The following PKHD1 variants were observed in gnomAD, a reference collection of about 807,000 sequenced individuals.
PKHD1 encodes the protein fibrocystin.
In PKHD1, 291 loss-of-function variants were observed where a neutral mutation model predicts 412.0. The ratio of observed to expected loss-of-function variants is 0.71; its 90% confidence interval spans 0.64 to 0.78. The LOEUF (loss-of-function observed/expected upper bound fraction) is 0.78. Among genes scored for constraint, PKHD1 ranks in the 30% least tolerant of loss-of-function variants. The probability of loss-of-function intolerance (pLI) is 0.00; values close to 1 mark genes in which losing one functional copy is unlikely to be tolerated. For missense variants in PKHD1, 4,825 were observed against 4,950.7 expected, an observed-to-expected ratio of 0.97 and a Z score of 0.76; for synonymous variants, 1,777 against 1,821.5, an observed-to-expected ratio of 0.98 and a Z score of 0.62.
chr6:51,923,668 C>T (rs1785080451), intron 37 of PKHD1, among the ~76,000 whole-genome samples: 1 of 152,110 alleles, frequency 6.6e-6, no homozygotes, highest in African/African-American at 2.4e-5. Context: ...TTGGAAAACT[C>T]CATAGAAGTA....
chr6:51,779,371 C>T (rs1791597440), intron 53 of PKHD1, among the ~76,000 whole-genome samples: 1 of 152,076 alleles, frequency 6.6e-6, no homozygotes, highest in South Asian at 2.1e-4. Context: ...GCCACCTCTT[C>T]TGGAAATGCC....
At chr6:51,643,672 T>C (rs1311698473) in intron 63 of PKHD1, among the ~76,000 whole-genome samples, 1 of 152,198 alleles carries the variant, frequency 6.6e-6, no homozygotes, top group African/African-American at 2.4e-5. Flanking sequence ...GTTTTGTTTT[T>C]TGTTTGTTTT....
chr6:51,636,253 C>G (rs1449117952), intron 64 of PKHD1, among the ~76,000 whole-genome samples: 1 of 152,118 alleles, frequency 6.6e-6, no homozygotes, highest in Non-Finnish European at 1.5e-5. Flanking sequence ...ATTGCAAATT[C>G]TCTGCTTGAT....
At chr6:52,031,608 AC>A in intron 29 of PKHD1, among the ~76,000 whole-genome samples, 1 of 152,322 alleles carries the variant, frequency 6.6e-6, no homozygotes, top group Admixed American at 6.5e-5. Context: ...GCAGAAACCA[AC>A]ACTAATGGTC....
chr6:51,993,171 ACT>A (rs1797248145), intron 35 of PKHD1, among the ~76,000 whole-genome samples: 1 of 152,246 alleles, frequency 6.6e-6, no homozygotes, highest in Admixed American at 6.5e-5. Flanking sequence ...TAACAAAACC[ACT>A]GCTCAGGTGG....
intron 7 of PKHD1, among the ~76,000 whole-genome samples, chr6:52,072,590 C>G (rs1014675623): frequency 6.6e-6 from 1 of 152,108 alleles, no homozygotes; most frequent in African/African-American, 2.4e-5. Flanking sequence ...TTCTACCCCC[C>G]ACAAGAAGAG....
intron 42 of PKHD1, 74 bp downstream of exon 42, chr6:51,903,912 A>G (rs535258134): frequency 3.0e-6 from 3 of 996,264 alleles, no homozygotes; most frequent in Non-Finnish European, 4.7e-6. Flanking sequence ...ACATTTTGCC[A>G]TCAGGCTTGT....
chr6:51,750,854 G>C (rs1044381463), intron 57 of PKHD1, among the ~76,000 whole-genome samples: 1 of 152,132 alleles, frequency 6.6e-6, no homozygotes, highest in African/African-American at 2.4e-5. Flanking sequence ...TCAGCTCACT[G>C]CAACCTCCAT....
chr6:51,697,770 G>T (rs186144081), intron 60 of PKHD1, among the ~76,000 whole-genome samples: 20 of 152,336 alleles, frequency 1.3e-4, no homozygotes, highest in African/African-American at 4.8e-4. Context: ...ACCTCAGCCA[G>T]AACTCTGACT....
intron 29 of PKHD1, among the ~76,000 whole-genome samples, chr6:52,032,620 C>A (rs1803231421): frequency 6.6e-6 from 1 of 152,148 alleles, no homozygotes; most frequent in Non-Finnish European, 1.5e-5. Flanking sequence ...GTGTTCAAAT[C>A]TTAGATAAAT....
intron 40 of PKHD1, among the ~76,000 whole-genome samples, chr6:51,907,731 A>G (rs1346361939): frequency 1.3e-5 from 2 of 152,158 alleles, no homozygotes; most frequent in East Asian, 3.9e-4. Context: ...GCTGCGTAGG[A>G]CATGAGGGGC....
intron 60 of PKHD1, among the ~76,000 whole-genome samples, chr6:51,670,150 T>TA: frequency 6.8e-6 from 1 of 146,238 alleles, no homozygotes; most frequent in Middle Eastern, 3.4e-3. Flanking sequence ...AGTGGGGTGT[T>TA]AAAGTCTCCC....
chr6:52,074,807 G>A (rs941381034), intron 6 of PKHD1, among the ~76,000 whole-genome samples: 2 of 152,166 alleles, frequency 1.3e-5, no homozygotes, highest in African/African-American at 4.8e-5. Context: ...TGAAATGAGA[G>A]TATTCATCTG....
Position 51,911,896 on chromosome 6 carries a change from A to G in PKHD1, c.6393T>C (p.Thr2131=). The change falls in exon 39 of 67, where the codon ACT becomes ACC. Residue 2131 remains threonine (T), a synonymous_variant. Coordinates refer to ENST00000371117, the MANE Select transcript of PKHD1 (RefSeq NM_138694.4). ...TAATACTCCTGCTGAGCAGAGCCAC[A>G]GTGGCCTTTAAAATATGGTGCTCTC... ...VAGEHHILKA[T]VALLSRSITI... is the part of the protein sequence containing the mutation. 3 of 1,611,738 alleles carry G rather than the reference A, an allele frequency of 1.9e-6. No individual in the cohort carries two copies. Among genetic ancestry groups the G allele is most frequent in the South Asian group, 1.1e-5 (1 of 91,050 alleles).
At chr6:51,975,044 T>G (rs992522916) in intron 35 of PKHD1, among the ~76,000 whole-genome samples, 20 of 151,404 alleles carry the variant, frequency 1.3e-4, no homozygotes, top group African/African-American at 4.4e-4. Flanking sequence ...TTTCTATTAT[T>G]TAAACAACAG....
intron 52 of PKHD1, among the ~76,000 whole-genome samples, chr6:51,806,399 T>G (rs1246132942): frequency 1.3e-5 from 2 of 152,066 alleles, no homozygotes; most frequent in East Asian, 1.9e-4. Context: ...GATGGTGCCA[T>G]GTGCTGGAAT....
intron 61 of PKHD1, among the ~76,000 whole-genome samples, chr6:51,650,575 A>G (rs1305398069): frequency 2.0e-5 from 3 of 152,108 alleles, no homozygotes; most frequent in African/African-American, 7.2e-5. Context: ...TTTAATATGG[A>G]GGGTGCATGT....
rs1286201377 is a variant in PKHD1, at chr6:51,766,478, T to C, written c.8642+6224A>G. 2.0e-5 allele frequency among the ~76,000 whole-genome samples: 3 copies of C among 152,140 alleles called. No homozygotes were observed. The East Asian group carries it at 5.8e-4, about 29-fold the overall frequency. On this transcript the variant is annotated intron_variant, in intron 55 of 66. Coordinates refer to ENST00000371117, the MANE Select transcript of PKHD1 (RefSeq NM_138694.4). ...TCTTTGCCAAATTAAAATTTAAAAA[T>C]GGTATTCCATTACTGTTTTAATTAA... is the stretch of plus-strand genomic sequence containing the variant.
intron 31 of PKHD1, 86 bp from the exon 32 acceptor site, chr6:52,026,267 T>C (rs942624998): frequency 1.2e-5 from 15 of 1,282,896 alleles, no homozygotes; most frequent in Middle Eastern, 1.9e-4. Flanking sequence ...CTAGGTCAAT[T>C]AAGTGGAAGG....
Sources: gnomAD v4.1 joint callset for allele counts (sites outside exome capture counted in the v4.1 genomes callset) on GRCh38, gnomAD v4.1.1 for gene constraint, MANE v1.5 for transcripts, NCBI Gene and HGNC (gene_info 2026-07-23, HGNC 2026-07-21) for gene names.